Variants in WDR49 observed in about 807,000 individuals in gnomAD.
WDR49 encodes cilia- and flagella-associated protein 337.
In WDR49, 107 loss-of-function variants were observed where a neutral mutation model predicts 119.5. The ratio of observed to expected loss-of-function variants is 0.90; its 90% confidence interval spans 0.77 to 1.05. WDR49 has a LOEUF of 1.05. WDR49 is among the 50% of genes least tolerant of loss of function. WDR49 has a pLI of 0.00. For synonymous variants in WDR49, 425 were observed against 418.8 expected (o/e 1.01, Z -0.18); for missense variants, 1,240 against 1,220.5 (o/e 1.02, Z -0.24).
At chr3:167,600,159 CGGAA>C in intron 7 of WDR49, among the ~76,000 whole-genome samples, 1 of 152,096 alleles carries the variant, frequency 6.6e-6, no homozygotes, top group East Asian at 1.9e-4. Context: ...TCTCCTCAAG[CGGAA>C]GGAAGGGGTC....
intron 7 of WDR49, among the ~76,000 whole-genome samples, chr3:167,586,232 C>A (rs1167210558): frequency 6.6e-6 from 1 of 150,982 alleles, no homozygotes; most frequent in Non-Finnish European, 1.5e-5. Flanking sequence ...ATTAGGCCCA[C>A]AGGCTGAATG....
At chr3:167,623,556 T>A (rs749526564) in intron 3 of WDR49, among the ~76,000 whole-genome samples, 1 of 151,902 alleles carries the variant, frequency 6.6e-6, no homozygotes, top group Non-Finnish European at 1.5e-5. Flanking sequence ...ATAAACAGCA[T>A]GTACAACAAC....
At chr3:167,567,056 T>C (rs1713648248) in intron 8 of WDR49, among the ~76,000 whole-genome samples, 1 of 152,192 alleles carries the variant, frequency 6.6e-6, no homozygotes, top group South Asian at 2.1e-4. Flanking sequence ...TTTTGCTCTT[T>C]CTTTTCTCTA....
At chr3:167,520,958 C>G (rs1229923327) in intron 16 of WDR49, among the ~76,000 whole-genome samples, 1 of 152,058 alleles carries the variant, frequency 6.6e-6, no homozygotes. Context: ...CATTTCTAGC[C>G]TCTATTCACA....
intron 5 of WDR49, among the ~76,000 whole-genome samples, chr3:167,604,815 G>A (rs1350158827): frequency 6.6e-6 from 1 of 152,068 alleles, no homozygotes; most frequent in Non-Finnish European, 1.5e-5. Context: ...ACTATGTGAG[G>A]GCACAGGTGG....
intron 8 of WDR49, among the ~76,000 whole-genome samples, chr3:167,565,968 G>C (rs542688891): frequency 6.6e-6 from 1 of 152,118 alleles, no homozygotes; most frequent in East Asian, 1.9e-4. Flanking sequence ...ATTATAATTA[G>C]TATTTTATAG....
chr3:167,602,360 A>C, intron 6 of WDR49, 85 bp from the exon 7 acceptor site: 2 of 1,229,014 alleles, frequency 1.6e-6, no homozygotes, highest in Non-Finnish European at 2.2e-6. Context: ...TTTACCATAT[A>C]ACTCTAGCTT....
intron 10 of WDR49, among the ~76,000 whole-genome samples, chr3:167,538,443 TCAAA>T (rs969241295): frequency 1.2e-4 from 18 of 152,250 alleles, no homozygotes; most frequent in Admixed American, 9.8e-4. Flanking sequence ...CTATTTTACT[TCAAA>T]CAGTCAATGA....
chr3:167,489,926 C>T (rs776664475), intron 18 of WDR49, among the ~76,000 whole-genome samples: 2 of 152,084 alleles, frequency 1.3e-5, no homozygotes, highest in Non-Finnish European at 2.9e-5. Context: ...GCATAAGAAT[C>T]ACCTGGAGTT....
At chr3:167,528,907 G>T in intron 14 of WDR49, 145 bp downstream of exon 14, 1 of 534,300 alleles carries the variant, frequency 1.9e-6, no homozygotes. Context: ...GTCTCTGCAT[G>T]AAACTTGTAA....
chr3:167,609,944 G>C (rs768123519), intron 5 of WDR49, among the ~76,000 whole-genome samples: 9 of 152,150 alleles, frequency 5.9e-5, no homozygotes, highest in Non-Finnish European at 1.3e-4. Flanking sequence ...AACCTGGGCC[G>C]GAAGGGAACC....
intron 10 of WDR49, among the ~76,000 whole-genome samples, chr3:167,548,434 T>C (rs1051335341): frequency 6.6e-6 from 1 of 152,038 alleles, no homozygotes; most frequent in Non-Finnish European, 1.5e-5. Flanking sequence ...AGATATTTTC[T>C]TTTGTCACAA....
chr3:167,643,591 G>A (rs1014996224), intron 2 of WDR49, among the ~76,000 whole-genome samples: 8 of 152,128 alleles, frequency 5.3e-5, no homozygotes, highest in Non-Finnish European at 8.8e-5. Context: ...CTTTTCATTA[G>A]GTAATGTATA....
intron 9 of WDR49, among the ~76,000 whole-genome samples, chr3:167,558,340 T>C (rs954019771): frequency 2.6e-5 from 4 of 152,204 alleles, no homozygotes; most frequent in African/African-American, 9.7e-5. Flanking sequence ...TAATTTTAAG[T>C]CTTTGATTAT....
Position 167,536,916 on chromosome 3 carries a change from A to C in WDR49, c.1908T>G (p.Asp636Glu), listed in dbSNP as rs1352618582. 17 of 1,551,118 alleles carry C rather than the reference A, an allele frequency of 1.1e-5. No individual in the cohort carries two copies. Among genetic ancestry groups the C allele is most frequent in the Non-Finnish European group, 1.4e-5 (16 of 1,149,208 alleles). The change falls in exon 11 of 19, where the codon GAT becomes GAG. Residue 636 changes from aspartate to glutamate, a missense_variant. Physicochemically the swap from Asp to Glu is conservative, Grantham distance 45. Coordinates refer to ENST00000682715, the MANE Select transcript of WDR49 (RefSeq NM_001366157.1). ...GTAAAAACGCAGCACACAAGATGTC[A>C]TCATGGTGCTGTATACCTCCTTTCC... ...EEWKGGIQHH[D>E]DILCAAFLPP...
At chr3:167,593,383 T>C (rs905637602) in intron 7 of WDR49, among the ~76,000 whole-genome samples, 29 of 151,900 alleles carry the variant, frequency 1.9e-4, no homozygotes, top group African/African-American at 7.0e-4. Context: ...TTGATTCTGC[T>C]ATTAAAACAC....
chr3:167,515,092 A>G (rs1487091939), intron 16 of WDR49, among the ~76,000 whole-genome samples: 2 of 152,196 alleles, frequency 1.3e-5, no homozygotes, highest in African/African-American at 4.8e-5. Context: ...AAACTATTCC[A>G]AAAAATTGAA....
rs1718488286 is a variant in WDR49, at chr3:167,653,509, G to A, written c.-74-10C>T. ...TTCCTTCAACAGGTGCCTTTGAAAA[G>A]AAACTCAACTTAGCAACAGAATTCC... is the stretch of plus-strand genomic sequence containing the variant. On this transcript the variant is annotated splice_polypyrimidine_tract_variant and intron_variant, in intron 1 of 18. Transcript: ENST00000682715. 2 of 1,385,232 alleles carry A rather than the reference G, an allele frequency of 1.4e-6. No homozygotes were observed. Among genetic ancestry groups the A allele is most frequent in the Middle Eastern group, 3.7e-4 (2 of 5,382 alleles). The allele number at this position is 1,385,232 out of a possible 1,614,324, so 85.8% of individuals were successfully genotyped here. A position where few individuals can be genotyped will look rare whatever the true frequency, so the allele number is the denominator to read the frequency against.
intron 7 of WDR49, among the ~76,000 whole-genome samples, chr3:167,589,154 T>G (rs910188381): frequency 2.0e-5 from 3 of 152,174 alleles, no homozygotes; most frequent in East Asian, 3.8e-4. Flanking sequence ...CTTCTGCATA[T>G]AGATATTCAA....
Sources: gnomAD v4.1 joint callset for allele counts (sites outside exome capture counted in the v4.1 genomes callset) on GRCh38, gnomAD v4.1.1 for gene constraint, MANE v1.5 for transcripts, NCBI Gene and HGNC (gene_info 2026-07-23, HGNC 2026-07-21) for gene names.